The following DNAH7 variants were observed in gnomAD, a reference collection of about 807,000 sequenced individuals.
DNAH7 encodes the protein dynein axonemal heavy chain 7.
DNAH7 carries 397 observed loss-of-function variants against 444.6 expected under a neutral mutation model. That is an observed-to-expected ratio of 0.89 (90% CI 0.82 to 0.97). The LOEUF is 0.97. Among genes scored for constraint, DNAH7 ranks in the 50% least tolerant of loss-of-function variants. DNAH7 has a pLI of 0.00. For synonymous variants in DNAH7, 1,636 were observed against 1,624.4 expected (o/e 1.01, Z -0.17); for missense variants, 4,902 against 4,800.8 (o/e 1.02, Z -0.62).
At position 196,068,728 on chromosome 2, in the gene DNAH7, T is replaced by G. The variant is rs946321798; in HGVS notation, c.-17A>C. 1.3e-6 allele frequency: 2 copies of G among 1,550,960 alleles called. No homozygotes were observed. The highest frequency in any genetic ancestry group is 1.7e-6 in the Non-Finnish European group (2 of 1,147,318). On this transcript the variant is annotated 5_prime_UTR_variant, in exon 1 of 65. Coordinates refer to ENST00000312428, the MANE Select transcript of DNAH7 (RefSeq NM_018897.3). ...ACTGCTCATGGCTGCGAGGACGCGC[T>G]GGCCTCACCGGTGCTTCTGGGTTGC...
intron 19 of DNAH7, among the ~76,000 whole-genome samples, chr2:195,941,095 C>T (rs997459884): frequency 2.0e-5 from 3 of 152,102 alleles, no homozygotes; most frequent in African/African-American, 7.2e-5. Flanking sequence ...CGGTACTATT[C>T]ACAATAGCAA....
Position 195,872,413 on chromosome 2 carries a change from A to T in DNAH7, c.6470T>A (p.Met2157Lys), listed in dbSNP as rs778964131. Reference sequence around the variant, plus strand: ...CTTCATTGCTTCTTTATACAGAGTCATTGTGCCATTTACGATTTGTGTGGT... The same window carrying T: ...CTTCATTGCTTCTTTATACAGAGTCTTTGTGCCATTTACGATTTGTGTGGT... ...DLTTQIVNGT[M>K]TLYKEAMKNL... Residue 2157 changes from methionine (M) to lysine (K), a missense_variant, in exon 40 of 65, where the codon ATG becomes AAG. Physicochemically the swap from Met to Lys is moderately conservative, Grantham distance 95. Coordinates refer to ENST00000312428, the MANE Select transcript of DNAH7 (RefSeq NM_018897.3). The T allele has an allele frequency of 6.2e-7, 1 of 1,612,852 alleles. No individual in the cohort carries two copies. The highest frequency in any genetic ancestry group is 8.5e-7 in the Non-Finnish European group (1 of 1,179,304).
chr2:196,050,096 A>G (rs953113460), intron 3 of DNAH7, among the ~76,000 whole-genome samples: 2 of 152,228 alleles, frequency 1.3e-5, no homozygotes, highest in Admixed American at 1.3e-4. Flanking sequence ...ACTGTCCTTC[A>G]TTTCAAATTA....
At chr2:195,926,718 CTAAT>C (rs1314675684) in intron 21 of DNAH7, 152 bp from the exon 22 acceptor site, 5 of 602,008 alleles carry the variant, frequency 8.3e-6, no homozygotes, top group Non-Finnish European at 1.3e-5. Flanking sequence ...GTGATTACAA[CTAAT>C]TATATTCAAG....
intron 7 of DNAH7, among the ~76,000 whole-genome samples, chr2:196,026,041 T>C (rs934673730): frequency 2.6e-5 from 4 of 152,186 alleles, no homozygotes; most frequent in African/African-American, 9.6e-5. Flanking sequence ...TAGAATCTAT[T>C]TGTCTGTACC....
chr2:196,003,098 G>C lies in DNAH7; in HGVS notation c.990-1240C>G, dbSNP rs561783634. On this transcript the variant is annotated intron_variant, in intron 10 of 64. Transcript: ENST00000312428. ...AAAGAAAAAAAAATCTGAAATAAAAGGATAGATATAATTTTCCATTTAAAT... is the reference window on the plus strand; with the variant it reads ...AAAGAAAAAAAAATCTGAAATAAAACGATAGATATAATTTTCCATTTAAAT... 8.6e-5 allele frequency among the ~76,000 whole-genome samples: 13 copies of C among 150,528 alleles called. 1 individual carries two copies. Among genetic ancestry groups the C allele is most frequent in the African/African-American group, 3.2e-4 (13 of 40,974 alleles).
chr2:196,009,846 A>G (rs1391474088), intron 10 of DNAH7, among the ~76,000 whole-genome samples: 7 of 152,216 alleles, frequency 4.6e-5, no homozygotes, highest in Non-Finnish European at 4.4e-5. Context: ...AAAAATGGGC[A>G]AATGATTGAA....
Position 195,945,256 on chromosome 2 carries a change from A to T in DNAH7, c.3079-8464T>A, listed in dbSNP as rs548683709. 4.6e-5 allele frequency among the ~76,000 whole-genome samples: 7 copies of T among 152,274 alleles called. No homozygotes were observed. The South Asian group carries it at 1.4e-3, about 32-fold the overall frequency. ...TACTTCCAGGACAGACTACTAAAAC[A>T]TAAGAACTGACTTTTCAGGATTTAC... is the stretch of plus-strand genomic sequence containing the variant. On this transcript the variant is annotated intron_variant, in intron 19 of 64. Transcript: ENST00000312428.
At chr2:195,964,900 C>T (rs868396918) in intron 17 of DNAH7, among the ~76,000 whole-genome samples, 18 of 151,252 alleles carry the variant, frequency 1.2e-4, no homozygotes, top group African/African-American at 3.9e-4. Context: ...AAGTTCATAT[C>T]ATCTACAAAC....
chr2:195,908,510 A>C (rs1289814752), intron 25 of DNAH7, among the ~76,000 whole-genome samples: 1 of 152,048 alleles, frequency 6.6e-6, no homozygotes, highest in Non-Finnish European at 1.5e-5. Flanking sequence ...GCGCCCACTT[A>C]TGAGTGAGAA....
rs1381399451 is a variant in DNAH7 at position 195,895,138 on chromosome 2, G to A, written c.4734C>T (p.Ala1578=). ...DLLAAIKDNC[A]SMNLQMTAFF... is the part of the protein sequence containing the mutation. Reference sequence around the variant, plus strand: ...ATGCAGTCATTTGCAAATTCATGGAGGCACAATTGTCTTTGATAGCTGCCA... The same window carrying A: ...ATGCAGTCATTTGCAAATTCATGGAAGCACAATTGTCTTTGATAGCTGCCA... The change falls in exon 30 of 65, where the codon GCC becomes GCT. Residue 1578 remains alanine, a synonymous_variant. Transcript: ENST00000312428. 1.9e-6 allele frequency: 3 copies of A among 1,613,396 alleles called. No individual in the cohort carries two copies. The African/African-American group carries it at 4.0e-5, about 22-fold the overall frequency.
chr2:195,926,444 A>G lies in DNAH7; in HGVS notation c.3594T>C (p.Ala1198=), dbSNP rs1434882563. ...QIFWTKEVQT[A]IPMGIKALEQ... ...ACCTTACCTTTATCCCCATTGGAAT[A>G]GCTGTTTGTACTTCTTTTGTCCAAA... The change falls in exon 22 of 65, where the codon GCT becomes GCC. Residue 1198 remains alanine, a synonymous_variant. Coordinates refer to ENST00000312428, the MANE Select transcript of DNAH7 (RefSeq NM_018897.3). The G allele has an allele frequency of 6.3e-7, 1 of 1,592,466 alleles. No homozygotes were observed. Among genetic ancestry groups the G allele is most frequent in the Non-Finnish European group, 8.5e-7 (1 of 1,171,418 alleles).
chr2:195,935,997 G>A (rs1689024158), intron 20 of DNAH7, among the ~76,000 whole-genome samples: 2 of 152,316 alleles, frequency 1.3e-5, no homozygotes, highest in South Asian at 4.1e-4. Flanking sequence ...GTGGGGCATT[G>A]CAAACCATCA....
intron 5 of DNAH7, among the ~76,000 whole-genome samples, chr2:196,037,949 A>C (rs1043116275): frequency 1.3e-5 from 2 of 152,210 alleles, no homozygotes; most frequent in African/African-American, 4.8e-5. Context: ...ATATATAGTT[A>C]ATCTGTCAAA....
At position 195,873,632 on chromosome 2, in the gene DNAH7, CATTG is replaced by C; in HGVS notation, c.6345_6348del (p.Ile2115MetfsTer16). 1 of 1,527,748 alleles carries C rather than the reference CATTG, an allele frequency of 6.5e-7. No individual in the cohort carries two copies. The highest frequency in any genetic ancestry group is 2.4e-5 in the East Asian group (1 of 40,902). The allele number at this position is 1,527,748 out of a possible 1,614,324, so 94.6% of individuals were successfully genotyped here. ...GTATACATGGATTTATCACTAAACT[CATTG>C]ATTGTTATAATATTGAAATGTCGCA... On this transcript the variant is annotated frameshift_variant, in exon 39 of 65. Coordinates refer to ENST00000312428, the MANE Select transcript of DNAH7 (RefSeq NM_018897.3). LOFTEE classifies it high-confidence loss of function.
chr2:195,773,235 G>T (rs1694924033), intron 60 of DNAH7, among the ~76,000 whole-genome samples: 1 of 151,852 alleles, frequency 6.6e-6, no homozygotes, highest in Admixed American at 6.6e-5. Context: ...CATAGTACCG[G>T]GTTTACAACA....
At chr2:196,068,438 T>G in intron 1 of DNAH7, 1 of 548,278 alleles carries the variant, frequency 1.8e-6, no homozygotes, top group Non-Finnish European at 3.2e-6. Context: ...TGCTCTGGGC[T>G]GTGGCTCCCC....
At chr2:195,905,647 T>C (rs760364719) in intron 27 of DNAH7, 4 of 152,180 alleles carry the variant, frequency 2.6e-5, no homozygotes, top group African/African-American at 7.2e-5. Context: ...GCCATACATA[T>C]GCAATTCATC....
intron 24 of DNAH7, among the ~76,000 whole-genome samples, chr2:195,916,422 G>A (rs1003074608): frequency 2.6e-5 from 4 of 152,132 alleles, no homozygotes; most frequent in African/African-American, 7.2e-5. Context: ...AGTAGGGCAG[G>A]AGAGGGCTCC....
Sources: allele counts gnomAD v4.1 joint callset (sites outside exome capture counted in the v4.1 genomes callset), GRCh38; gene constraint gnomAD v4.1.1; transcripts MANE v1.5; gene names NCBI Gene and HGNC (gene_info 2026-07-23, HGNC 2026-07-21).